Variants in SLC14A2 observed in about 807,000 individuals in gnomAD.
SLC14A2 encodes solute carrier family 14 member 2.
In SLC14A2, 91 loss-of-function variants were observed where a neutral mutation model predicts 104.6. The observed-to-expected ratio is 0.87, with a 90% CI of 0.73 to 1.04. SLC14A2 has a LOEUF of 1.04. Ranked by LOEUF, SLC14A2 falls within the 50% of genes least tolerant of loss-of-function variation. The pLI is 0.00. For missense variants in SLC14A2, 1,189 were observed against 1,156.0 expected (o/e 1.03, Z -0.41); for synonymous variants, 476 against 466.4 (o/e 1.02, Z -0.27).
At chr18:45,403,871 T>C (rs527847527) in intron 1 of SLC14A2, among the ~76,000 whole-genome samples, 20 of 152,284 alleles carry the variant, frequency 1.3e-4, no homozygotes, top group Non-Finnish European at 2.4e-4. Context: ...ACCCGTAAGA[T>C]AAAGGACAAG....
intron 1 of SLC14A2, among the ~76,000 whole-genome samples, chr18:45,343,190 C>G (rs557560124): frequency 6.6e-6 from 1 of 150,530 alleles, no homozygotes; most frequent in Non-Finnish European, 1.5e-5. Context: ...AACCCAACTC[C>G]AAGGGAAGCT....
At chr18:45,207,636 CAATAAAGAGAAT>C in the SLC14A2 span, among the ~76,000 whole-genome samples, 1 of 151,984 alleles carries the variant, frequency 6.6e-6, no homozygotes, top group African/African-American at 2.4e-5. Flanking sequence ...AGCCTTCAAA[CAATAAAGAGAAT>C]AATTTTTTGT....
At chr18:45,599,619 A>C (rs1180538490) in intron 2 of SLC14A2, among the ~76,000 whole-genome samples, 1 of 152,098 alleles carries the variant, frequency 6.6e-6, no homozygotes, top group Non-Finnish European at 1.5e-5. Context: ...GCCACTCTGC[A>C]CCTCCGGCAG....
the SLC14A2 span, among the ~76,000 whole-genome samples, chr18:45,197,339 C>T: frequency 6.6e-6 from 1 of 152,168 alleles, no homozygotes; most frequent in Non-Finnish European, 1.5e-5. Context: ...ACATAAAAGA[C>T]CTTCTATGTT....
intron 2 of SLC14A2, among the ~76,000 whole-genome samples, chr18:45,548,738 G>A (rs571345796): frequency 1.1e-4 from 17 of 152,240 alleles, no homozygotes; most frequent in African/African-American, 3.9e-4. Context: ...ACAGCTACCC[G>A]GGATCAGAGT....
intron 1 of SLC14A2, among the ~76,000 whole-genome samples, chr18:45,339,960 G>A (rs1462149): frequency 0.3 from 45,176 of 152,140 alleles, 6,814 homozygotes; most frequent in African/African-American, 0.35. Context: ...TAAGGAAAAC[G>A]TGAAGAAGCT....
At chr18:45,540,102 C>A (rs760952193) in intron 2 of SLC14A2, among the ~76,000 whole-genome samples, 4 of 151,898 alleles carry the variant, frequency 2.6e-5, no homozygotes, top group Non-Finnish European at 5.9e-5. Context: ...ATCCTGGGCA[C>A]TTTGTGCCTG....
chr18:45,355,754 A>G (rs562799709), intron 1 of SLC14A2, among the ~76,000 whole-genome samples: 8 of 152,098 alleles, frequency 5.3e-5, no homozygotes, highest in African/African-American at 1.9e-4. Context: ...TCTGAACACT[A>G]CTGTCTGAAT....
chr18:45,178,446 GAAA>G, the SLC14A2 span, among the ~76,000 whole-genome samples: 1 of 151,706 alleles, frequency 6.6e-6, no homozygotes, highest in South Asian at 2.1e-4. Flanking sequence ...TAAAGAACAA[GAAA>G]AAAATAATAA....
chr18:45,395,079 C>A (rs1381093207), intron 1 of SLC14A2, among the ~76,000 whole-genome samples: 1 of 152,080 alleles, frequency 6.6e-6, no homozygotes, highest in Non-Finnish European at 1.5e-5. Flanking sequence ...TATATTTTTG[C>A]TTTCATGTTT....
chr18:45,196,950 C>T, the SLC14A2 span, among the ~76,000 whole-genome samples: 3 of 152,196 alleles, frequency 2.0e-5, no homozygotes, highest in East Asian at 1.9e-4. Flanking sequence ...GCACAGAAAA[C>T]GAATTAGCCA....
chr18:45,216,767 C>A (rs1431668387), intron 1 of SLC14A2, among the ~76,000 whole-genome samples: 1 of 152,180 alleles, frequency 6.6e-6, no homozygotes, highest in South Asian at 2.1e-4. Flanking sequence ...TTTGTCTAGT[C>A]CGATGTTTCG....
At chr18:45,386,064 C>T (rs35828404) in intron 1 of SLC14A2, among the ~76,000 whole-genome samples, 19,446 of 151,982 alleles carry the variant, frequency 0.13, 2,121 homozygotes, top group African/African-American at 0.29. Flanking sequence ...GGTTCAGAGA[C>T]GAGGGCTATG....
chr18:45,639,279 CAG>C (rs1437728063), intron 6 of SLC14A2, among the ~76,000 whole-genome samples: 2 of 152,222 alleles, frequency 1.3e-5, no homozygotes, highest in Non-Finnish European at 2.9e-5. Flanking sequence ...GGGTCAAGCT[CAG>C]AGCCTCTAGC....
chr18:45,527,000 C>G (rs2043601642), intron 2 of SLC14A2, among the ~76,000 whole-genome samples: 1 of 152,112 alleles, frequency 6.6e-6, no homozygotes, highest in Non-Finnish European at 1.5e-5. Flanking sequence ...AATGTCAGAC[C>G]TACAAGGATC....
intron 18 of SLC14A2, among the ~76,000 whole-genome samples, chr18:45,677,697 G>A (rs572755892): frequency 5.4e-4 from 82 of 152,330 alleles, no homozygotes; most frequent in Non-Finnish European, 9.7e-4. Flanking sequence ...CACAAAGGAC[G>A]GCATGGGCTC....
At position 45,386,083 on chromosome 18, in the gene SLC14A2, A is replaced by G. The variant is rs115507283; in HGVS notation, c.-124-97150A>G. Among the ~76,000 whole-genome samples the G allele has an allele frequency of 7.1e-3, 1,079 of 152,268 alleles. 13 individuals are homozygous for G. Among genetic ancestry groups the G allele is most frequent in the African/African-American group, 0.023 (962 of 41,536 alleles). On this transcript the variant is annotated intron_variant, in intron 1 of 20. Coordinates refer to the SLC14A2 transcript ENST00000586448. ...CAGAGACGAGGGCTATGTTTGACGAACAAGGATGATTCAAATCAGCAGAGA... is the reference window on the plus strand; with the variant it reads ...CAGAGACGAGGGCTATGTTTGACGAGCAAGGATGATTCAAATCAGCAGAGA...
At chr18:45,213,965 A>G (rs2083984803) in intron 1 of SLC14A2, among the ~76,000 whole-genome samples, 1 of 152,318 alleles carries the variant, frequency 6.6e-6, no homozygotes. Flanking sequence ...TATATGATCA[A>G]TAGAAATGGC....
chr18:45,344,505 A>T (rs2085428291), intron 1 of SLC14A2, among the ~76,000 whole-genome samples: 1 of 152,196 alleles, frequency 6.6e-6, no homozygotes, highest in South Asian at 2.1e-4. Context: ...CTAGTTTGTT[A>T]TAAATAATAC....
Sources: gnomAD v4.1 joint callset for allele counts (sites outside exome capture counted in the v4.1 genomes callset) on GRCh38, gnomAD v4.1.1 for gene constraint, MANE v1.5 for transcripts, NCBI Gene and HGNC (gene_info 2026-07-23, HGNC 2026-07-21) for gene names.